GSR: variants seen among roughly 807,000 people sequenced by gnomAD.
GSR encodes glutathione reductase, mitochondrial.
In GSR, 48 loss-of-function variants were observed where a neutral mutation model predicts 56.5. That is an observed-to-expected ratio of 0.85 (90% CI 0.67 to 1.08). The LOEUF (loss-of-function observed/expected upper bound fraction) is 1.08, where lower values mean the gene tolerates loss of function less well. GSR is among the 50% of genes least tolerant of loss of function. The probability of loss-of-function intolerance (pLI) is 0.00; values close to 1 mark genes in which losing one functional copy is unlikely to be tolerated. For missense variants in GSR, 694 were observed against 703.3 expected (o/e 0.99, Z 0.15); for synonymous variants, 264 against 270.8 (o/e 0.97, Z 0.25).
chr8:30,713,908 A>G (rs1387480322), intron 1 of GSR, among the ~76,000 whole-genome samples: 1 of 152,196 alleles, frequency 6.6e-6, no homozygotes, highest in Non-Finnish European at 1.5e-5. Flanking sequence ...CAGACAGGTT[A>G]AATATCCATC....
At chr8:30,692,814 C>T (rs1803432842) in intron 8 of GSR, among the ~76,000 whole-genome samples, 155 bp downstream of exon 8, 1 of 151,730 alleles carries the variant, frequency 6.6e-6, no homozygotes. Flanking sequence ...AATACAGCTT[C>T]TTAGGAGGAA....
rs1322015944 is a variant in GSR at position 30,727,523 on chromosome 8, T to A, written c.306+7A>T. ...GCCCCCCGCCCGAACAAACCGGCGG[T>A]ACTCACGCAAGTGCCACCCAGCTTG... On this transcript the variant is annotated splice_region_variant and intron_variant, in intron 1 of 12. Coordinates refer to ENST00000221130, the MANE Select transcript of GSR (RefSeq NM_000637.5). 4 of 1,536,202 alleles carry A rather than the reference T, an allele frequency of 2.6e-6. No homozygotes were observed. The highest frequency in any genetic ancestry group is 2.6e-6 in the Non-Finnish European group (3 of 1,144,320).
chr8:30,724,520 A>C (rs551789548), intron 1 of GSR, among the ~76,000 whole-genome samples: 3 of 150,532 alleles, frequency 2.0e-5, no homozygotes, highest in African/African-American at 7.3e-5. Context: ...TCCGAATGTC[A>C]AAGAATACTA....
chr8:30,681,196 T>C (rs937667183), intron 11 of GSR, among the ~76,000 whole-genome samples, 159 bp from the exon 12 acceptor site: 2 of 152,066 alleles, frequency 1.3e-5, no homozygotes, highest in Non-Finnish European at 2.9e-5. Flanking sequence ...AATGTCAGTG[T>C]CATATAAGAC....
chr8:30,694,711 C>A (rs762508502), intron 7 of GSR, among the ~76,000 whole-genome samples: 4 of 151,572 alleles, frequency 2.6e-5, no homozygotes, highest in Non-Finnish European at 5.9e-5. Flanking sequence ...ATCACTTGAG[C>A]TCAGGAGTTT....
chr8:30,697,136 C>T (rs1803570924), intron 6 of GSR, among the ~76,000 whole-genome samples: 1 of 151,988 alleles, frequency 6.6e-6, no homozygotes, highest in Admixed American at 6.6e-5. Context: ...AAAAGTAAGG[C>T]CAGGCACGGT....
At position 30,727,720 on chromosome 8, in the gene GSR, G is replaced by T; in HGVS notation, c.116C>A (p.Ala39Asp). ...LLPEPAALTR[A>D]LSRAMACRQE... ...CCTGCAGGCCATGGCACGGGAGAGG[G>T]CGCGCGTGAGGGCCGCGGGCTCGGG... is the stretch of plus-strand genomic sequence containing the variant. Residue 39 changes from alanine (A) to aspartate (D), a missense_variant, in exon 1 of 13, where the codon GCC becomes GAC. Physicochemically the swap from Ala to Asp is moderately radical, Grantham distance 126. Coordinates refer to ENST00000221130, the MANE Select transcript of GSR (RefSeq NM_000637.5). The T allele has an allele frequency of 7.1e-7, 1 of 1,411,296 alleles. No homozygotes were observed. 87.4% of individuals were successfully genotyped at this position (1,411,296 alleles called of 1,614,324 possible). A position where few individuals can be genotyped will look rare whatever the true frequency, so the allele number is the denominator to read the frequency against.
chr8:30,696,385 C>G lies in GSR; in HGVS notation c.790G>C (p.Asp264His), dbSNP rs1803540589. The G allele has an allele frequency of 1.3e-6, 2 of 1,578,352 alleles. No homozygotes were observed. Among genetic ancestry groups the G allele is most frequent in the Non-Finnish European group, 1.7e-6 (2 of 1,147,402 alleles). ...AAGAAAAAGGTGGCATTTACCTTAT[C>G]ATGCCGTATCATCAGTGATGTCTTA... ...GSKTSLMIRH[D>H]KVLRSFDSMI... Residue 264 changes from aspartate to histidine, a missense_variant, in exon 7 of 13, where the codon GAT (aspartate) becomes CAT (histidine). Physicochemically the swap from Asp to His is moderately conservative, Grantham distance 81 (BLOSUM62 -1). Coordinates refer to ENST00000221130, the MANE Select transcript of GSR (RefSeq NM_000637.5).
intron 7 of GSR, 91 bp from the exon 8 acceptor site, chr8:30,693,146 C>A: frequency 1.3e-6 from 1 of 782,248 alleles, no homozygotes; most frequent in South Asian, 1.4e-5. Flanking sequence ...TCAGCATTAT[C>A]TCTCCCCTAA....
At chr8:30,693,739 G>A (rs900752647) in intron 7 of GSR, among the ~76,000 whole-genome samples, 7 of 152,176 alleles carry the variant, frequency 4.6e-5, no homozygotes, top group African/African-American at 1.7e-4. Context: ...ATGTCGGCCA[G>A]GCTGGCCTCG....
At chr8:30,687,336 A>G (rs1803195964) in intron 9 of GSR, among the ~76,000 whole-genome samples, 2 of 152,136 alleles carry the variant, frequency 1.3e-5, no homozygotes, top group Non-Finnish European at 2.9e-5. Context: ...ACACTGCTCA[A>G]GCAGCTCTAT....
At chr8:30,703,377 C>G in intron 4 of GSR, 137 bp from the exon 5 acceptor site, 1 of 868,420 alleles carries the variant, frequency 1.2e-6, no homozygotes, top group Non-Finnish European at 1.9e-6. Context: ...CTCCGTTTTT[C>G]AAGTTTCTGT....
At chr8:30,720,081 T>C (rs1433474118) in intron 1 of GSR, among the ~76,000 whole-genome samples, 4 of 151,956 alleles carry the variant, frequency 2.6e-5, no homozygotes, top group Non-Finnish European at 5.9e-5. Flanking sequence ...GGGTGTGGTG[T>C]TGCACGCCTG....
Position 30,678,089 on chromosome 8 carries a change from A to G in GSR, c.*1431T>C, listed in dbSNP as rs1037169285. On this transcript the variant is annotated 3_prime_UTR_variant, in exon 13 of 13. Transcript: ENST00000221130. ...TATAAGAAGAAAAGGCTGTAATTTT[A>G]TTTTCAAATTTTTGGAAGTTTTTCA... 13 of 152,076 alleles carry G rather than the reference A, an allele frequency of 8.5e-5. No homozygotes were observed. Among genetic ancestry groups the G allele is most frequent in the Non-Finnish European group, 1.8e-4 (12 of 68,010 alleles). The allele number at this position is 152,076 out of a possible 1,614,324, so 9.4% of individuals were successfully genotyped here. A position where few individuals can be genotyped will look rare whatever the true frequency, so the allele number is the denominator to read the frequency against.
chr8:30,696,584 A>G, intron 6 of GSR, 105 bp from the exon 7 acceptor site: 1 of 779,276 alleles, frequency 1.3e-6, no homozygotes. Context: ...CCCTTATTAT[A>G]CCCCTTGATC....
chr8:30,715,483 G>C lies in GSR; in HGVS notation c.307-3395C>G, dbSNP rs547949956. Among the ~76,000 whole-genome samples, 6 of 152,256 alleles carry C rather than the reference G, an allele frequency of 3.9e-5. No individual in the cohort carries two copies. The South Asian group carries it at 1.0e-3, about 26-fold the overall frequency. On this transcript the variant is annotated intron_variant, in intron 1 of 12. Coordinates refer to ENST00000221130, the MANE Select transcript of GSR (RefSeq NM_000637.5). ...CTAATGGTAAGAGCAGAGAAAGGAG[G>C]TCGAAACTCTGTGGGAAGAACAATG...
At chr8:30,694,656 C>CGCAT (rs1803488686) in intron 7 of GSR, among the ~76,000 whole-genome samples, 1 of 151,894 alleles carries the variant, frequency 6.6e-6, no homozygotes, top group Non-Finnish European at 1.5e-5. Flanking sequence ...AGTCAGGTGG[C>CGCAT]GCATGCCTGT....
chr8:30,723,809 CACACACACA>C (rs377585964), intron 1 of GSR, among the ~76,000 whole-genome samples: 95,726 of 150,332 alleles, frequency 0.64, 34,332 homozygotes, highest in Non-Finnish European at 0.8. Flanking sequence ...CACACACACA[CACACACACA>C]CCCAGGTCTG....
chr8:30,700,183 T>G (rs753286474), intron 5 of GSR, 48 bp from the exon 6 acceptor site: 1 of 1,288,732 alleles, frequency 7.8e-7, no homozygotes, highest in Non-Finnish European at 1.1e-6. Context: ...CTCTTTCTCT[T>G]GCAAAGTAAT....
Sources: gnomAD v4.1 joint callset for allele counts (sites outside exome capture counted in the v4.1 genomes callset) on GRCh38, gnomAD v4.1.1 for gene constraint, MANE v1.5 for transcripts, NCBI Gene and HGNC (gene_info 2026-07-23, HGNC 2026-07-21) for gene names.